Variants in GABRG1 observed in about 807,000 individuals in gnomAD.
GABRG1 encodes gamma-aminobutyric acid type A receptor subunit gamma1.
In GABRG1, 49 loss-of-function variants were observed where a neutral mutation model predicts 49.8. That is an observed-to-expected ratio of 0.98 (90% CI 0.78 to 1.25). The LOEUF (loss-of-function observed/expected upper bound fraction) is 1.25, where lower values mean the gene tolerates loss of function less well. Ranked by LOEUF, GABRG1 falls within the 50% of genes most tolerant of loss-of-function variation. The pLI is 0.00. For missense variants in GABRG1, 552 were observed against 552.3 expected, an observed-to-expected ratio of 1.00 and a Z score of 0.01; for synonymous variants, 232 against 185.1, an observed-to-expected ratio of 1.25 and a Z score of -2.06.
At chr4:46,120,497 A>G (rs563695105) in intron 1 of GABRG1, among the ~76,000 whole-genome samples, 84 of 151,800 alleles carry the variant, frequency 5.5e-4, no homozygotes, top group African/African-American at 2.0e-3. Context: ...ATCAATTACG[A>G]CATTTGCATT....
chr4:46,086,055 C>T (rs557515795), intron 2 of GABRG1, among the ~76,000 whole-genome samples: 159 of 151,548 alleles, frequency 1.0e-3, no homozygotes, highest in African/African-American at 3.6e-3. Flanking sequence ...CCATGTACTG[C>T]CATGGCAAAT....
At chr4:46,110,765 T>C in intron 1 of GABRG1, among the ~76,000 whole-genome samples, 1 of 151,130 alleles carries the variant, frequency 6.6e-6, no homozygotes, top group East Asian at 2.0e-4. Context: ...ATCATCTCAA[T>C]AGACGTGGAA....
At chr4:46,073,875 T>A (rs959787003) in intron 3 of GABRG1, among the ~76,000 whole-genome samples, 1 of 152,136 alleles carries the variant, frequency 6.6e-6, no homozygotes, top group African/African-American at 2.4e-5. Context: ...TTTCAAAATA[T>A]CTTACTGTAC....
At chr4:46,072,577 T>A (rs1461441526) in intron 3 of GABRG1, among the ~76,000 whole-genome samples, 2 of 152,118 alleles carry the variant, frequency 1.3e-5, no homozygotes, top group African/African-American at 2.4e-5. Context: ...TCTTGGTCTC[T>A]CTGAAGTTTG....
chr4:46,118,132 G>GTGTGTGTATATATATATATATA (rs377481920), intron 1 of GABRG1, among the ~76,000 whole-genome samples: 6 of 109,984 alleles, frequency 5.5e-5, no homozygotes, highest in African/African-American at 3.4e-4. Context: ...GTGTGTGTGT[G>GTGTGTGTATATATATATATATA]TATATATATA....
At chr4:46,072,363 C>G (rs747986277) in intron 3 of GABRG1, among the ~76,000 whole-genome samples, 25 of 151,998 alleles carry the variant, frequency 1.6e-4, no homozygotes, top group Admixed American at 8.6e-4. Flanking sequence ...GGCACCATAG[C>G]CTGGCTAAGT....
chr4:46,062,961 G>A (rs1470830546), intron 5 of GABRG1, among the ~76,000 whole-genome samples: 1 of 151,488 alleles, frequency 6.6e-6, no homozygotes, highest in Non-Finnish European at 1.5e-5. Context: ...CAACTTACAA[G>A]GGACGTGAAG....
intron 5 of GABRG1, among the ~76,000 whole-genome samples, chr4:46,062,783 C>T (rs9997574): frequency 0.51 from 76,656 of 151,696 alleles, 19,935 homozygotes; most frequent in African/African-American, 0.62. Flanking sequence ...TGTCTCAGCC[C>T]AAAATCTCCT....
Position 46,065,593 on chromosome 4 carries a change from T to G in GABRG1, c.322-9A>C, listed in dbSNP as rs1250150061. The G allele has an allele frequency of 8.4e-7, 1 of 1,193,066 alleles. No individual in the cohort carries two copies. Among genetic ancestry groups the G allele is most frequent in the Non-Finnish European group, 1.2e-6 (1 of 814,530 alleles). The allele number at this position is 1,193,066 out of a possible 1,614,324, so 73.9% of individuals were successfully genotyped here. A position where few individuals can be genotyped will look rare whatever the true frequency, so the allele number is the denominator to read the frequency against. The stretch of plus-strand genomic sequence containing the variant: ...ATATCTATTGTATATTCCTAAAATA[T>G]AAGAAGAGTAACAACATATTAGTAA... On this transcript the variant is annotated splice_polypyrimidine_tract_variant and intron_variant, in intron 3 of 8. Coordinates refer to ENST00000295452, the MANE Select transcript of GABRG1 (RefSeq NM_173536.4).
intron 2 of GABRG1, among the ~76,000 whole-genome samples, chr4:46,093,792 G>A (rs1720081908): frequency 1.3e-5 from 2 of 151,870 alleles, no homozygotes; most frequent in African/African-American, 4.8e-5. Flanking sequence ...CAAAATTTGT[G>A]TGTACCTAAA....
chr4:46,050,810 T>A (rs1171807543), intron 8 of GABRG1, among the ~76,000 whole-genome samples: 2 of 151,820 alleles, frequency 1.3e-5, no homozygotes, highest in African/African-American at 4.8e-5. Flanking sequence ...CTGCAGAGTG[T>A]CTGGAACATT....
intron 1 of GABRG1, among the ~76,000 whole-genome samples, chr4:46,122,854 T>A (rs545615734): frequency 2.2e-4 from 33 of 152,204 alleles, no homozygotes; most frequent in African/African-American, 7.9e-4. Context: ...TGAAACAAGT[T>A]GCATGGTATG....
At chr4:46,092,355 T>C (rs1214214300) in intron 2 of GABRG1, among the ~76,000 whole-genome samples, 1 of 152,010 alleles carries the variant, frequency 6.6e-6, no homozygotes, top group Non-Finnish European at 1.5e-5. Flanking sequence ...GAAAAAGGTT[T>C]GAAATTTCTT....
rs760583491 is a variant in GABRG1 at position 46,051,480 on chromosome 4, T to C, written c.1075A>G (p.Ser359Gly). ...MEYGTLHYFT[S>G]NQKGKTATKD... is the part of the protein sequence containing the mutation. ...GTAGCAGTCTTTCCTTTTTGGTTGC[T>C]GGTAAAATAATGCAAGGTTCCATAT... Residue 359 changes from serine (S) to glycine (G), a missense_variant, in exon 8 of 9, where the codon AGC (serine) becomes GGC (glycine). Coordinates refer to ENST00000295452, the MANE Select transcript of GABRG1 (RefSeq NM_173536.4). 1.2e-6 allele frequency: 2 copies of C among 1,611,028 alleles called. No homozygotes were observed. Among genetic ancestry groups the C allele is most frequent in the South Asian group, 2.2e-5 (2 of 90,976 alleles).
intron 2 of GABRG1, among the ~76,000 whole-genome samples, chr4:46,093,532 C>T (rs1720068933): frequency 6.6e-6 from 1 of 151,768 alleles, no homozygotes; most frequent in Admixed American, 6.6e-5. Context: ...TATTTGATAG[C>T]ATAGCAGGGT....
At chr4:46,091,825 C>T (rs1720002590) in intron 2 of GABRG1, among the ~76,000 whole-genome samples, 1 of 152,030 alleles carries the variant, frequency 6.6e-6, no homozygotes, top group African/African-American at 2.4e-5. Context: ...ATTCAAGAAG[C>T]TCTGTAAACT....
chr4:46,088,763 A>ACACC (rs1389551142), intron 2 of GABRG1, among the ~76,000 whole-genome samples: 4 of 149,516 alleles, frequency 2.7e-5, no homozygotes, highest in African/African-American at 9.9e-5. Flanking sequence ...ACACACACAC[A>ACACC]CACCCCATAT....
intron 5 of GABRG1, among the ~76,000 whole-genome samples, chr4:46,060,893 G>T (rs1338557401): frequency 1.3e-5 from 2 of 152,036 alleles, no homozygotes; most frequent in Non-Finnish European, 2.9e-5. Context: ...TGAATCTCAT[G>T]ATATTAATTT....
intron 1 of GABRG1, among the ~76,000 whole-genome samples, chr4:46,108,708 T>A (rs565447354): frequency 6.6e-6 from 1 of 151,076 alleles, no homozygotes; most frequent in East Asian, 2.0e-4. Context: ...ATTTGTTGTA[T>A]GAATGAAAAC....
Sources: allele counts gnomAD v4.1 joint callset (sites outside exome capture counted in the v4.1 genomes callset), GRCh38; gene constraint gnomAD v4.1.1; transcripts MANE v1.5; gene names NCBI Gene and HGNC (gene_info 2026-07-23, HGNC 2026-07-21).